PPFIA2: variants seen among roughly 807,000 people sequenced by gnomAD.
PPFIA2 encodes liprin-alpha-2.
PPFIA2 carries 46 observed loss-of-function variants against 175.5 expected under a neutral mutation model. That is an observed-to-expected ratio of 0.26 (90% CI 0.21 to 0.34). The LOEUF is 0.34. Ranked by LOEUF, PPFIA2 falls within the 10% of genes least tolerant of loss-of-function variation. The pLI is 1.00. For synonymous variants in PPFIA2, 568 were observed against 511.4 expected (o/e 1.11, Z -1.49); for missense variants, 1,179 against 1,506.1 (o/e 0.78, Z 3.60).
intron 7 of PPFIA2, among the ~76,000 whole-genome samples, chr12:81,418,410 T>G (rs1208536126): frequency 6.6e-6 from 1 of 152,004 alleles, no homozygotes; most frequent in East Asian, 1.9e-4. Context: ...TTTCTGTTTT[T>G]GTCAGACCTG....
chr12:81,574,223 T>G (rs950297384), intron 4 of PPFIA2, among the ~76,000 whole-genome samples: 23 of 151,904 alleles, frequency 1.5e-4, no homozygotes, highest in African/African-American at 5.6e-4. Context: ...TTACCATCTG[T>G]CAATGTATTG....
rs187413888 is a variant in PPFIA2 at position 81,384,234 on chromosome 12, T to G, written c.773A>C (p.Asn258Thr). 1 of 1,570,526 alleles carries G rather than the reference T, an allele frequency of 6.4e-7. No homozygotes were observed. The highest frequency in any genetic ancestry group is 8.7e-7 in the Non-Finnish European group (1 of 1,153,706). The change falls in exon 9 of 33, where the codon AAT becomes ACT. Residue 258 changes from asparagine (N) to threonine (T), a missense_variant. Physicochemically the swap from Asn to Thr is moderately conservative, Grantham distance 65. Transcript: ENST00000549396. ...GQKVHEKRLSNGSIDSTDETS... is the reference protein window; with the variant it reads ...GQKVHEKRLSTGSIDSTDETS... ...TTCATCGGTTGAGTCTATAGAACCA[T>G]TGGACAAACGCTGCAGAAATAGAAA... is the stretch of plus-strand genomic sequence containing the variant.
chr12:81,347,217 C>A (rs74956496), intron 18 of PPFIA2, among the ~76,000 whole-genome samples: 9,230 of 151,852 alleles, frequency 0.061, 356 homozygotes, highest in African/African-American at 0.12. Flanking sequence ...CCTCCAAAAG[C>A]GCTAGGATTA....
intron 27 of PPFIA2, chr12:81,279,069 G>C (rs1011521995): frequency 1.3e-5 from 2 of 152,188 alleles, no homozygotes; most frequent in African/African-American, 4.8e-5. Flanking sequence ...TTTGGAGATA[G>C]TGCCCTTAAA....
intron 7 of PPFIA2, among the ~76,000 whole-genome samples, chr12:81,428,245 C>T (rs2047490349): frequency 6.6e-6 from 1 of 151,872 alleles, no homozygotes; most frequent in Non-Finnish European, 1.5e-5. Context: ...ACCTTATGCT[C>T]TCATCAAAGA....
intron 4 of PPFIA2, among the ~76,000 whole-genome samples, chr12:81,592,973 G>C (rs2058842525): frequency 6.6e-6 from 1 of 151,618 alleles, no homozygotes. Context: ...GCCTAAGCTG[G>C]TCTTGAACTC....
At chr12:81,412,564 A>C (rs767390583) in intron 7 of PPFIA2, among the ~76,000 whole-genome samples, 1 of 151,882 alleles carries the variant, frequency 6.6e-6, no homozygotes, top group Admixed American at 6.6e-5. Flanking sequence ...TTTTGCACCA[A>C]CCTAATAATA....
At chr12:81,552,810 T>C (rs566263884) in intron 4 of PPFIA2, among the ~76,000 whole-genome samples, 1 of 152,222 alleles carries the variant, frequency 6.6e-6, no homozygotes, top group Admixed American at 6.6e-5. Context: ...AAAGTAGCTT[T>C]AGTCATTTTT....
At chr12:81,601,517 C>T (rs575197942) in intron 4 of PPFIA2, among the ~76,000 whole-genome samples, 14 of 151,880 alleles carry the variant, frequency 9.2e-5, no homozygotes, top group African/African-American at 2.9e-4. Context: ...TTCTGTCTCA[C>T]TAAAAAACAC....
At chr12:81,412,971 T>C (rs2044268162) in intron 7 of PPFIA2, among the ~76,000 whole-genome samples, 1 of 151,922 alleles carries the variant, frequency 6.6e-6, no homozygotes, top group African/African-American at 2.4e-5. Flanking sequence ...GGGTAACCTT[T>C]GTTCCTCTTT....
intron 18 of PPFIA2, 32 bp from the exon 19 acceptor site, chr12:81,344,725 C>A: frequency 1.3e-6 from 2 of 1,492,726 alleles, no homozygotes; most frequent in East Asian, 4.8e-5. Context: ...ACATAAAACA[C>A]AATTAATTAA....
At chr12:81,392,128 G>T (rs761427918) in intron 8 of PPFIA2, among the ~76,000 whole-genome samples, 2 of 151,878 alleles carry the variant, frequency 1.3e-5, no homozygotes, top group African/African-American at 2.4e-5. Context: ...GAAAAATTAC[G>T]TTGGCTTAGA....
chr12:81,647,684 C>T (rs1460636471), intron 4 of PPFIA2, among the ~76,000 whole-genome samples: 10 of 150,174 alleles, frequency 6.7e-5, no homozygotes, highest in Non-Finnish European at 1.2e-4. Context: ...TGGCGTGAAC[C>T]GGGGTGGTGG....
At position 81,512,387 on chromosome 12, in the gene PPFIA2, C is replaced by A. The variant is rs890131865; in HGVS notation, c.304-54521G>T. The A allele has an allele frequency of 7.0e-6, 9 of 1,284,048 alleles. No homozygotes were observed. The African/African-American group carries it at 1.2e-4, about 17-fold the overall frequency. 79.5% of individuals were successfully genotyped at this position (1,284,048 alleles called of 1,614,324 possible). On this transcript the variant is annotated intron_variant, in intron 4 of 32. Coordinates refer to ENST00000549396, the MANE Select transcript of PPFIA2 (RefSeq NM_003625.5). ...TACTTACATTCTCTGAGCATTCTAC[C>A]TTCTAAACTTTGTGATGCTGGACCC...
At chr12:81,704,621 A>C (rs1335809170) in intron 3 of PPFIA2, among the ~76,000 whole-genome samples, 1 of 152,140 alleles carries the variant, frequency 6.6e-6, no homozygotes, top group Admixed American at 6.5e-5. Flanking sequence ...TGCAGACTTC[A>C]CTAAAATAGG....
intron 4 of PPFIA2, among the ~76,000 whole-genome samples, chr12:81,646,604 A>T (rs2066115230): frequency 1.3e-5 from 2 of 152,178 alleles, no homozygotes; most frequent in Admixed American, 6.5e-5. Flanking sequence ...ATTTTGACAA[A>T]CCCTCTGACA....
chr12:81,445,473 A>T, intron 6 of PPFIA2, 83 bp downstream of exon 6: 1 of 1,322,928 alleles, frequency 7.6e-7, no homozygotes. Context: ...TTTAGGAGTC[A>T]GGTGAGTCAA....
At chr12:81,410,848 G>A (rs2043825553) in intron 7 of PPFIA2, among the ~76,000 whole-genome samples, 1 of 152,008 alleles carries the variant, frequency 6.6e-6, no homozygotes, top group Non-Finnish European at 1.5e-5. Context: ...GAATATGAAA[G>A]GGGTACTCTT....
intron 2 of PPFIA2, among the ~76,000 whole-genome samples, chr12:81,755,056 A>G (rs191494197): frequency 1.3e-5 from 2 of 152,186 alleles, no homozygotes. Flanking sequence ...AAACAATACA[A>G]ACTAGCACTC....
Sources: gnomAD v4.1 joint callset for allele counts (sites outside exome capture counted in the v4.1 genomes callset) on GRCh38, gnomAD v4.1.1 for gene constraint, MANE v1.5 for transcripts, NCBI Gene and HGNC (gene_info 2026-07-23, HGNC 2026-07-21) for gene names.